CNTNAP5: variants seen among roughly 807,000 people sequenced by gnomAD.
CNTNAP5 encodes the protein contactin-associated protein-like 5.
CNTNAP5 carries 72 observed loss-of-function variants against 150.2 expected under a neutral mutation model. The ratio of observed to expected loss-of-function variants is 0.48; its 90% CI spans 0.40 to 0.58. The LOEUF (loss-of-function observed/expected upper bound fraction) is 0.58, where lower values mean the gene tolerates loss of function less well. CNTNAP5 is among the 20% of genes least tolerant of loss of function. The pLI is 0.00. For synonymous variants in CNTNAP5, 672 were observed against 619.8 expected, an observed-to-expected ratio of 1.08 and a Z score of -1.25; for missense variants, 1,636 against 1,626.2, an observed-to-expected ratio of 1.01 and a Z score of -0.10.
intron 12 of CNTNAP5, among the ~76,000 whole-genome samples, chr2:124,630,239 C>A (rs996995398): frequency 2.6e-5 from 4 of 152,110 alleles, no homozygotes; most frequent in Admixed American, 2.0e-4. Context: ...CCAGCATAAT[C>A]CTGATTCCAA....
chr2:124,202,539 C>T (rs756797210), intron 1 of CNTNAP5, among the ~76,000 whole-genome samples: 3 of 152,074 alleles, frequency 2.0e-5, no homozygotes, highest in Non-Finnish European at 4.4e-5. Context: ...AGTCTGCATA[C>T]GAGCATTGTG....
At chr2:124,528,381 T>C (rs1258275309) in intron 10 of CNTNAP5, among the ~76,000 whole-genome samples, 1 of 152,140 alleles carries the variant, frequency 6.6e-6, no homozygotes, top group Non-Finnish European at 1.5e-5. Context: ...CAGAAGGTGA[T>C]GCTGAGTTGA....
At chr2:124,803,899 G>A (rs1682027010) in intron 19 of CNTNAP5, among the ~76,000 whole-genome samples, 1 of 152,052 alleles carries the variant, frequency 6.6e-6, no homozygotes, top group Admixed American at 6.6e-5. Flanking sequence ...CCTCCACATA[G>A]CCCCTCCCTG....
intron 17 of CNTNAP5, among the ~76,000 whole-genome samples, chr2:124,777,375 C>T (rs1209542674): frequency 2.0e-5 from 3 of 151,950 alleles, no homozygotes; most frequent in South Asian, 4.1e-4. Context: ...GTTTTCTACT[C>T]GCTATTATAT....
At chr2:124,336,425 C>A (rs150841186) in intron 3 of CNTNAP5, among the ~76,000 whole-genome samples, 1 of 151,772 alleles carries the variant, frequency 6.6e-6, no homozygotes, top group Non-Finnish European at 1.5e-5. Context: ...GCATAACGTG[C>A]AGGTTTGTTA....
chr2:124,618,103 G>A (rs533229841), intron 12 of CNTNAP5, among the ~76,000 whole-genome samples: 1 of 152,230 alleles, frequency 6.6e-6, no homozygotes, highest in Admixed American at 6.5e-5. Flanking sequence ...AAATTGACTT[G>A]AGCAGCAGCA....
At chr2:124,225,793 C>A (rs1393568914) in intron 2 of CNTNAP5, among the ~76,000 whole-genome samples, 1 of 152,152 alleles carries the variant, frequency 6.6e-6, no homozygotes, top group East Asian at 1.9e-4. Flanking sequence ...ACACCCCAGT[C>A]CCTCGCAACC....
chr2:124,246,131 T>C (rs1427886369), intron 3 of CNTNAP5, among the ~76,000 whole-genome samples: 1 of 152,136 alleles, frequency 6.6e-6, no homozygotes, highest in Admixed American at 6.6e-5. Flanking sequence ...TCTTTAAAAT[T>C]GATTTACCAA....
intron 1 of CNTNAP5, among the ~76,000 whole-genome samples, chr2:124,142,362 T>C (rs1422207938): frequency 1.3e-5 from 2 of 150,376 alleles, no homozygotes; most frequent in African/African-American, 4.9e-5. Flanking sequence ...ACACCACACC[T>C]ATTCCAAAAT....
chr2:124,039,191 T>C (rs1241090021), intron 1 of CNTNAP5, among the ~76,000 whole-genome samples: 2 of 152,218 alleles, frequency 1.3e-5, no homozygotes, highest in Non-Finnish European at 2.9e-5. Context: ...CTGTTTGTAT[T>C]TTAAATAACT....
chr2:124,700,140 T>G (rs774137243), intron 13 of CNTNAP5, among the ~76,000 whole-genome samples: 6 of 152,342 alleles, frequency 3.9e-5, no homozygotes, highest in Non-Finnish European at 8.8e-5. Context: ...TTCTGGCTTC[T>G]TCCACTTAAT....
At chr2:124,623,014 C>T (rs1677650418) in intron 12 of CNTNAP5, among the ~76,000 whole-genome samples, 2 of 152,042 alleles carry the variant, frequency 1.3e-5, no homozygotes, top group Admixed American at 1.3e-4. Context: ...AAACAGGATA[C>T]CAATTATAGC....
chr2:124,169,201 C>T (rs1163156425), intron 1 of CNTNAP5, among the ~76,000 whole-genome samples: 3 of 152,040 alleles, frequency 2.0e-5, no homozygotes, highest in African/African-American at 7.3e-5. Flanking sequence ...TGAAGAGAAC[C>T]AGAGGGCTGC....
At chr2:124,879,615 T>C (rs1677927469) in intron 21 of CNTNAP5, among the ~76,000 whole-genome samples, 1 of 152,168 alleles carries the variant, frequency 6.6e-6, no homozygotes, top group Admixed American at 6.5e-5. Flanking sequence ...TCCTCATCTG[T>C]AAAGTAGGAG....
At chr2:124,865,231 A>G in intron 19 of CNTNAP5, 75 bp from the exon 20 acceptor site, 1 of 1,230,202 alleles carries the variant, frequency 8.1e-7, no homozygotes, top group Non-Finnish European at 1.1e-6. Flanking sequence ...TAATCAATTA[A>G]AAGATAATCT....
At chr2:124,291,567 C>G (rs1354662619) in intron 3 of CNTNAP5, among the ~76,000 whole-genome samples, 1 of 151,212 alleles carries the variant, frequency 6.6e-6, no homozygotes, top group Non-Finnish European at 1.5e-5. Flanking sequence ...TATGCGTAGA[C>G]CTATGATTTA....
chr2:124,181,857 T>C (rs1325280836), intron 1 of CNTNAP5, among the ~76,000 whole-genome samples: 4 of 152,206 alleles, frequency 2.6e-5, no homozygotes, highest in Non-Finnish European at 5.9e-5. Flanking sequence ...GTATTAATTA[T>C]GTGACAGACT....
chr2:124,272,120 A>G (rs1558829247), intron 3 of CNTNAP5, among the ~76,000 whole-genome samples: 1 of 152,116 alleles, frequency 6.6e-6, no homozygotes, highest in East Asian at 1.9e-4. Flanking sequence ...TTAATTGTGT[A>G]TGCTTGTGAC....
intron 7 of CNTNAP5, among the ~76,000 whole-genome samples, chr2:124,493,570 GA>G: frequency 6.6e-6 from 1 of 152,028 alleles, no homozygotes; most frequent in Non-Finnish European, 1.5e-5. Context: ...TCAATCTCCT[GA>G]CCTCGTGATC....
Sources: allele counts gnomAD v4.1 joint callset (sites outside exome capture counted in the v4.1 genomes callset), GRCh38; gene constraint gnomAD v4.1.1; transcripts MANE v1.5; gene names NCBI Gene and HGNC (gene_info 2026-07-23, HGNC 2026-07-21).